The following MMP16 variants were observed in gnomAD, a reference collection of about 807,000 sequenced individuals.
MMP16 encodes the protein matrix metallopeptidase 16.
MMP16 carries 12 observed loss-of-function variants against 67.8 expected under a neutral mutation model. That is an observed-to-expected ratio of 0.18 (90% confidence interval 0.11 to 0.29). The LOEUF (loss-of-function observed/expected upper bound fraction) is 0.29. MMP16 is among the 10% of genes least tolerant of loss of function. MMP16 has a pLI of 1.00. For missense variants in MMP16, 475 were observed against 765.7 expected (o/e 0.62, Z 4.48); for synonymous variants, 249 against 255.9 (o/e 0.97, Z 0.26).
intron 3 of MMP16, among the ~76,000 whole-genome samples, chr8:88,185,853 A>C (rs1015070133): frequency 1.3e-5 from 2 of 152,148 alleles, no homozygotes; most frequent in Non-Finnish European, 2.9e-5. Context: ...TGTGACTGTA[A>C]ATTCCATGAG....
intron 1 of MMP16, among the ~76,000 whole-genome samples, chr8:88,279,725 G>A (rs1810702827): frequency 6.6e-6 from 1 of 152,110 alleles, no homozygotes; most frequent in Non-Finnish European, 1.5e-5. Context: ...AATATGGAGG[G>A]AGGAGTGTCT....
At chr8:88,284,385 G>C (rs557135572) in intron 1 of MMP16, among the ~76,000 whole-genome samples, 5 of 152,022 alleles carry the variant, frequency 3.3e-5, no homozygotes, top group African/African-American at 4.8e-5. Flanking sequence ...AAATTGTTTA[G>C]TTAGAAAGGA....
intron 4 of MMP16, among the ~76,000 whole-genome samples, chr8:88,124,819 C>T (rs1346118685): frequency 3.9e-5 from 6 of 151,972 alleles, no homozygotes; most frequent in Non-Finnish European, 7.4e-5. Flanking sequence ...AGGGCACCAG[C>T]ATGGTCAGGT....
intron 6 of MMP16, among the ~76,000 whole-genome samples, chr8:88,083,764 G>T (rs534051153): frequency 1.3e-5 from 2 of 151,978 alleles, no homozygotes; most frequent in Non-Finnish European, 2.9e-5. Context: ...AAAACAGAAA[G>T]AGAAAAATCA....
At chr8:88,171,989 G>A (rs1231765038) in intron 3 of MMP16, among the ~76,000 whole-genome samples, 3 of 152,090 alleles carry the variant, frequency 2.0e-5, no homozygotes, top group Non-Finnish European at 4.4e-5. Flanking sequence ...AGTACAGCCA[G>A]TGAATTTTTG....
intron 4 of MMP16, among the ~76,000 whole-genome samples, chr8:88,120,173 T>C (rs890094478): frequency 2.0e-5 from 3 of 151,440 alleles, no homozygotes; most frequent in East Asian, 2.0e-4. Context: ...ATCATAGTCA[T>C]AGGAGGAAGA....
chr8:88,182,212 A>G (rs12548802), intron 3 of MMP16, among the ~76,000 whole-genome samples: 17,281 of 152,158 alleles, frequency 0.11, 1,966 homozygotes, highest in East Asian at 0.43. Flanking sequence ...GAGAATAAAA[A>G]GACAAGCCAC....
chr8:88,046,592 A>C (rs981550561), intron 9 of MMP16, 77 bp downstream of exon 9: 2 of 865,730 alleles, frequency 2.3e-6, no homozygotes, highest in Non-Finnish European at 1.8e-6. Flanking sequence ...CCAATGGCTT[A>C]ATTTAGCAGA....
intron 4 of MMP16, among the ~76,000 whole-genome samples, chr8:88,160,042 A>G (rs2129677505): frequency 6.6e-6 from 1 of 151,730 alleles, no homozygotes; most frequent in South Asian, 2.1e-4. Flanking sequence ...ACATATGTAT[A>G]CATGTGCCAT....
At chr8:88,156,325 T>C (rs1164883805) in intron 4 of MMP16, among the ~76,000 whole-genome samples, 1 of 152,008 alleles carries the variant, frequency 6.6e-6, no homozygotes, top group Non-Finnish European at 1.5e-5. Flanking sequence ...TGAACAGAGG[T>C]GGAATCTTCC....
At position 88,041,513 on chromosome 8, in the gene MMP16, C is replaced by G. The variant is rs577048107; in HGVS notation, c.1772G>C (p.Gly591Ala). 3.1e-6 allele frequency: 5 copies of G among 1,612,378 alleles called. No individual in the cohort carries two copies. The highest frequency in any genetic ancestry group is 4.2e-6 in the Non-Finnish European group (5 of 1,179,254). The change falls in exon 10 of 10, where the codon GGA (glycine) becomes GCA (alanine). Residue 591 changes from glycine (G) to alanine (A), a missense_variant. Around this residue, in one of 5 missense-constraint regions of MMP16, gnomAD observed 80 missense variants for 93.4 expected, o/e 0.86. Coordinates refer to ENST00000286614, the MANE Select transcript of MMP16 (RefSeq NM_005941.5). The surrounding 1 kb of genome is among the most constrained non-coding windows in gnomAD (Gnocchi z 6.0). The stretch of plus-strand genomic sequence containing the variant: ...ACAGTACAGTATGTGGCGGGGTGTT[C>G]CTTTCCTCTTGAACTGGAACACAGT... ...VYTVFQFKRK[G>A]TPRHILYCKR...
At chr8:88,196,500 C>T (rs1265226999) in intron 2 of MMP16, among the ~76,000 whole-genome samples, 1 of 152,080 alleles carries the variant, frequency 6.6e-6, no homozygotes, top group African/African-American at 2.4e-5. Context: ...ACAGATAAAG[C>T]ACCCAATAAA....
chr8:88,172,979 T>C lies in MMP16; in HGVS notation c.405-5006A>G, dbSNP rs193054263. On this transcript the variant is annotated intron_variant, in intron 3 of 9. Coordinates refer to ENST00000286614, the MANE Select transcript of MMP16 (RefSeq NM_005941.5). ...ATTTGGAAATAAAATTGATGTCTTA[T>C]CATTAGATCAAAACAATTTCATCTA... Among the ~76,000 whole-genome samples the C allele has an allele frequency of 1.3e-3, 199 of 152,332 alleles. 2 individuals are homozygous for C. The highest frequency in any genetic ancestry group is 4.5e-3 in the African/African-American group (186 of 41,578).
chr8:88,294,440 C>A (rs540174706), intron 1 of MMP16, among the ~76,000 whole-genome samples: 3 of 147,896 alleles, frequency 2.0e-5, no homozygotes, highest in Non-Finnish European at 4.6e-5. Context: ...ATGTATATGT[C>A]TATATACACA....
intron 1 of MMP16, among the ~76,000 whole-genome samples, chr8:88,281,782 C>T (rs2129995413): frequency 6.6e-6 from 1 of 152,252 alleles, no homozygotes. Context: ...TCAAGTGTTG[C>T]CATGCTACAT....
intron 1 of MMP16, among the ~76,000 whole-genome samples, chr8:88,302,610 G>T (rs1053202852): frequency 5.9e-5 from 9 of 152,136 alleles, no homozygotes; most frequent in Non-Finnish European, 1.3e-4. Flanking sequence ...ATGAAAAAAA[G>T]TAGGAAAATA....
intron 6 of MMP16, among the ~76,000 whole-genome samples, chr8:88,078,909 G>A (rs1808698217): frequency 6.6e-6 from 1 of 152,068 alleles, no homozygotes; most frequent in Non-Finnish European, 1.5e-5. Context: ...CCTCCTTTCT[G>A]AAACAGCATC....
chr8:88,149,389 G>A, intron 4 of MMP16, among the ~76,000 whole-genome samples: 1 of 152,160 alleles, frequency 6.6e-6, no homozygotes, highest in Non-Finnish European at 1.5e-5. Flanking sequence ...TGCCTCTGTA[G>A]GCTCCACCTC....
chr8:88,276,022 T>C (rs1233665671), intron 1 of MMP16, among the ~76,000 whole-genome samples: 1 of 152,084 alleles, frequency 6.6e-6, no homozygotes, highest in Admixed American at 6.6e-5. Flanking sequence ...AACATTAAAA[T>C]CCTATTTTTG....
Sources: gnomAD v4.1 joint callset for allele counts (sites outside exome capture counted in the v4.1 genomes callset) on GRCh38, gnomAD v4.1.1 for gene constraint, gnomAD v4.1.1 regional missense constraint, Gnocchi (gnomAD v3.1) non-coding constraint, MANE v1.5 for transcripts, NCBI Gene and HGNC (gene_info 2026-07-23, HGNC 2026-07-21) for gene names.